The following SAMD3 variants were observed in gnomAD, a reference collection of about 807,000 sequenced individuals.
SAMD3 encodes sterile alpha motif domain containing 3.
A neutral mutation model predicts 58.5 loss-of-function variants in SAMD3; 63 were observed. The ratio of observed to expected loss-of-function variants is 1.08; its 90% CI spans 0.88 to 1.33. The LOEUF (loss-of-function observed/expected upper bound fraction) is 1.33, where lower values mean the gene tolerates loss of function less well. SAMD3 is among the 40% of genes most tolerant of loss of function. The probability of loss-of-function intolerance (pLI) is 0.00; values close to 1 mark genes in which losing one functional copy is unlikely to be tolerated. For synonymous variants in SAMD3, 220 were observed against 210.3 expected, an observed-to-expected ratio of 1.05 and a Z score of -0.40; for missense variants, 604 against 608.4, an observed-to-expected ratio of 0.99 and a Z score of 0.08.
intron 2 of SAMD3, among the ~76,000 whole-genome samples, chr6:130,300,020 T>A (rs1775692526): frequency 6.6e-6 from 1 of 152,198 alleles, no homozygotes; most frequent in African/African-American, 2.4e-5. Flanking sequence ...AGCCAAATTC[T>A]ACCAGATGTT....
At chr6:130,182,793 G>A (rs1352286832) in intron 7 of SAMD3, among the ~76,000 whole-genome samples, 2 of 152,136 alleles carry the variant, frequency 1.3e-5, no homozygotes, top group African/African-American at 4.8e-5. Context: ...CCTTAAGAAA[G>A]CACAGCAAAA....
intron 2 of SAMD3, among the ~76,000 whole-genome samples, chr6:130,261,071 C>A (rs1268086278): frequency 6.6e-6 from 1 of 151,496 alleles, no homozygotes; most frequent in Non-Finnish European, 1.5e-5. Flanking sequence ...CCACAGCATG[C>A]CTTTATTGGC....
intron 2 of SAMD3, among the ~76,000 whole-genome samples, chr6:130,291,743 T>C (rs1366727977): frequency 6.6e-6 from 1 of 152,250 alleles, no homozygotes; most frequent in African/African-American, 2.4e-5. Flanking sequence ...CTGTGGGTTT[T>C]CCTTTAGTGA....
At chr6:130,350,427 AACAG>A (rs1359972506) in intron 1 of SAMD3, among the ~76,000 whole-genome samples, 1 of 152,104 alleles carries the variant, frequency 6.6e-6, no homozygotes, top group Non-Finnish European at 1.5e-5. Flanking sequence ...ATACACCAAT[AACAG>A]ACAAACAGAG....
chr6:130,197,592 A>AT (rs1794259944), intron 5 of SAMD3, among the ~76,000 whole-genome samples: 4 of 152,080 alleles, frequency 2.6e-5, no homozygotes, highest in African/African-American at 9.7e-5. Flanking sequence ...ATAATTCTAA[A>AT]TGACAAATAT....
At chr6:130,209,805 C>G (rs1285387561) in intron 4 of SAMD3, among the ~76,000 whole-genome samples, 197 bp from the exon 5 acceptor site, 1 of 152,194 alleles carries the variant, frequency 6.6e-6, no homozygotes, top group Non-Finnish European at 1.5e-5. Flanking sequence ...TCCTATGTGC[C>G]AGGAGGCAGA....
At chr6:130,281,262 G>A (rs1774971737) in intron 2 of SAMD3, among the ~76,000 whole-genome samples, 1 of 152,204 alleles carries the variant, frequency 6.6e-6, no homozygotes, top group Non-Finnish European at 1.5e-5. Context: ...ATTGAGCATA[G>A]TTGGAATCAC....
At chr6:130,270,222 G>T (rs1774510667) in intron 2 of SAMD3, among the ~76,000 whole-genome samples, 1 of 152,130 alleles carries the variant, frequency 6.6e-6, no homozygotes, top group African/African-American at 2.4e-5. Context: ...CTCCAGAGTA[G>T]CTGGGACTAC....
At chr6:130,299,310 A>G (rs62433894) in intron 2 of SAMD3, among the ~76,000 whole-genome samples, 25,649 of 152,150 alleles carry the variant, frequency 0.17, 2,421 homozygotes, top group East Asian at 0.36. Flanking sequence ...AATACCAAGA[A>G]GAACACTCAA....
chr6:130,202,499 C>T (rs565329846), intron 5 of SAMD3, among the ~76,000 whole-genome samples: 2 of 152,110 alleles, frequency 1.3e-5, no homozygotes, highest in East Asian at 1.9e-4. Flanking sequence ...GTGTCTCACA[C>T]GTAGTAAGCA....
intron 2 of SAMD3, among the ~76,000 whole-genome samples, chr6:130,282,430 G>T (rs1185944468): frequency 6.6e-6 from 1 of 152,164 alleles, no homozygotes; most frequent in African/African-American, 2.4e-5. Flanking sequence ...CTCCCCTGGT[G>T]GCAAACTGAA....
intron 1 of SAMD3, among the ~76,000 whole-genome samples, chr6:130,354,530 G>T (rs1360240272): frequency 2.0e-5 from 3 of 152,164 alleles, no homozygotes; most frequent in African/African-American, 4.8e-5. Flanking sequence ...GCAGCAACAT[G>T]GATGGGGCAG....
At chr6:130,190,764 C>G (rs1160038364) in intron 5 of SAMD3, among the ~76,000 whole-genome samples, 2 of 151,980 alleles carry the variant, frequency 1.3e-5, no homozygotes, top group African/African-American at 4.8e-5. Context: ...CCTCTGTGAT[C>G]CATCATCCAA....
chr6:130,233,353 C>T (rs1445993008), intron 2 of SAMD3, among the ~76,000 whole-genome samples: 1 of 152,138 alleles, frequency 6.6e-6, no homozygotes, highest in Non-Finnish European at 1.5e-5. Flanking sequence ...CTGCACCCAT[C>T]AACCCTATTA....
chr6:130,245,767 C>A (rs1369936784), intron 2 of SAMD3, among the ~76,000 whole-genome samples: 2 of 152,112 alleles, frequency 1.3e-5, no homozygotes, highest in Non-Finnish European at 2.9e-5. Flanking sequence ...CTATGAGATG[C>A]CAACTGAGGT....
chr6:130,347,138 AG>A (rs1337749618), intron 1 of SAMD3, among the ~76,000 whole-genome samples: 4 of 152,204 alleles, frequency 2.6e-5, no homozygotes, highest in Non-Finnish European at 5.9e-5. Flanking sequence ...GAAAAAACAG[AG>A]CAGAAAAACT....
intron 8 of SAMD3, among the ~76,000 whole-genome samples, chr6:130,155,364 TAAG>T (rs1187229943): frequency 2.0e-5 from 3 of 152,258 alleles, no homozygotes; most frequent in Non-Finnish European, 2.9e-5. Context: ...GATAAAATGT[TAAG>T]AAGATATTTT....
chr6:130,351,826 A>T (rs1468628883), intron 1 of SAMD3, among the ~76,000 whole-genome samples: 3 of 152,166 alleles, frequency 2.0e-5, no homozygotes, highest in African/African-American at 7.2e-5. Flanking sequence ...ATGTCCATCA[A>T]TGATAGACTG....
chr6:130,278,630 C>A (rs1006679287), intron 2 of SAMD3, among the ~76,000 whole-genome samples: 4 of 152,014 alleles, frequency 2.6e-5, no homozygotes, highest in African/African-American at 9.7e-5. Flanking sequence ...CAATTCAAGG[C>A]CTCCCTACAA....
Sources: gnomAD v4.1 joint callset for allele counts (sites outside exome capture counted in the v4.1 genomes callset) on GRCh38, gnomAD v4.1.1 for gene constraint, MANE v1.5 for transcripts, NCBI Gene and HGNC (gene_info 2026-07-23, HGNC 2026-07-21) for gene names.